IL16: variants seen among roughly 807,000 people sequenced by gnomAD.
IL16 encodes the protein pro-interleukin-16.
In IL16, 67 loss-of-function variants were observed where a neutral mutation model predicts 110.1. That is an observed-to-expected ratio of 0.61 (90% CI 0.50 to 0.75). The LOEUF (loss-of-function observed/expected upper bound fraction) is 0.75. Among genes scored for constraint, IL16 ranks in the 30% least tolerant of loss-of-function variants. The pLI, the probability that IL16 is intolerant of heterozygous loss-of-function variation, is 0.00. For missense variants in IL16, 1,545 were observed against 1,655.0 expected (o/e 0.93, Z 1.15); for synonymous variants, 689 against 662.9 (o/e 1.04, Z -0.61).
At chr15:81,192,272 G>A (rs554312157), upstream of IL16, among the ~76,000 whole-genome samples, 5 of 152,222 alleles carry the variant, frequency 3.3e-5, no homozygotes, top group African/African-American at 1.2e-4. Flanking sequence ...TTTCTGTAAA[G>A]CTAAAACTGC....
At chr15:81,240,514 C>A (rs1363640885) in intron 2 of IL16, among the ~76,000 whole-genome samples, 4 of 152,064 alleles carry the variant, frequency 2.6e-5, no homozygotes, top group African/African-American at 9.7e-5. Flanking sequence ...CCTCATCAAT[C>A]CTTGATAACA....
At chr15:81,277,489 G>A (rs140907520) in intron 6 of IL16, among the ~76,000 whole-genome samples, 1 of 151,376 alleles carries the variant, frequency 6.6e-6, no homozygotes, top group African/African-American at 2.4e-5. Context: ...CTGTAGCCCA[G>A]GCTGGAGTGC....
At chr15:81,224,058 A>G (rs1896707067) in intron 1 of IL16, among the ~76,000 whole-genome samples, 2 of 152,230 alleles carry the variant, frequency 1.3e-5, no homozygotes, top group African/African-American at 4.8e-5. Flanking sequence ...ATTTTTGTTT[A>G]TTGCTATTGA....
At chr15:81,211,872 C>G (rs1335178430) in intron 1 of IL16, among the ~76,000 whole-genome samples, 1 of 152,096 alleles carries the variant, frequency 6.6e-6, no homozygotes, top group African/African-American at 2.4e-5. Flanking sequence ...CCTACTTGAT[C>G]GTGGTGAATT....
chr15:81,232,548 C>T (rs766848959), intron 2 of IL16, among the ~76,000 whole-genome samples: 3 of 152,090 alleles, frequency 2.0e-5, no homozygotes, highest in Admixed American at 6.6e-5. Context: ...TTTTGCCCGC[C>T]ACCCCCACCG....
At chr15:81,282,587 C>A in intron 8 of IL16, 52 bp from the exon 9 acceptor site, 1 of 1,362,844 alleles carries the variant, frequency 7.3e-7, no homozygotes, top group South Asian at 1.2e-5. Flanking sequence ...CGAGTAGGCC[C>A]CCTGGGAAAG....
At chr15:81,217,381 A>C (rs915101341) in intron 1 of IL16, among the ~76,000 whole-genome samples, 1 of 152,264 alleles carries the variant, frequency 6.6e-6, no homozygotes, top group Non-Finnish European at 1.5e-5. Flanking sequence ...TTTAAAAATT[A>C]AAATAGACCA....
At chr15:81,263,359 T>G (rs1013612244) in intron 3 of IL16, among the ~76,000 whole-genome samples, 2 of 150,396 alleles carry the variant, frequency 1.3e-5, no homozygotes, top group Admixed American at 6.6e-5. Context: ...TTTTTTTGTT[T>G]TTTTTTTTTT....
At chr15:81,247,697 G>A (rs138212081) in intron 2 of IL16, among the ~76,000 whole-genome samples, 4 of 152,158 alleles carry the variant, frequency 2.6e-5, no homozygotes, top group East Asian at 1.9e-4. Context: ...CTACTTCAGC[G>A]AAGATACCAA....
At chr15:81,228,426 T>A (rs1394209031) in intron 2 of IL16, among the ~76,000 whole-genome samples, 1 of 151,926 alleles carries the variant, frequency 6.6e-6, no homozygotes, top group Admixed American at 6.6e-5. Context: ...GTTCAAGTGA[T>A]TCTCCTGCCT....
At chr15:81,201,726 A>G (rs1240816945) in intron 1 of IL16, among the ~76,000 whole-genome samples, 1 of 152,242 alleles carries the variant, frequency 6.6e-6, no homozygotes, top group African/African-American at 2.4e-5. Flanking sequence ...TGCTGTAATT[A>G]GTAAAATGTA....
At chr15:81,184,338 T>C (rs539728677) in intron 1 of IL16, among the ~76,000 whole-genome samples, 1 of 152,322 alleles carries the variant, frequency 6.6e-6, no homozygotes, top group Non-Finnish European at 1.5e-5. Flanking sequence ...TTCATTGGTG[T>C]GTGCTCTGGG....
intron 3 of IL16, among the ~76,000 whole-genome samples, chr15:81,263,502 G>A (rs1157537825): frequency 1.3e-5 from 2 of 152,092 alleles, no homozygotes; most frequent in Non-Finnish European, 2.9e-5. Flanking sequence ...AACAAGCAAT[G>A]TTCTGAAACA....
chr15:81,210,933 G>T (rs1268004307), intron 1 of IL16, among the ~76,000 whole-genome samples: 1 of 152,206 alleles, frequency 6.6e-6, no homozygotes, highest in Non-Finnish European at 1.5e-5. Flanking sequence ...TCCTCAAGGG[G>T]AATGGTTCCA....
At chr15:81,203,409 T>C (rs1349818088) in intron 1 of IL16, among the ~76,000 whole-genome samples, 1 of 152,176 alleles carries the variant, frequency 6.6e-6, no homozygotes, top group African/African-American at 2.4e-5. Context: ...GCCTATGTCC[T>C]GAATGGTATT....
intron 4 of IL16, among the ~76,000 whole-genome samples, chr15:81,267,981 A>G (rs1898466653): frequency 1.3e-5 from 2 of 152,262 alleles, no homozygotes; most frequent in African/African-American, 2.4e-5. Context: ...TGGCCCAGTC[A>G]AGTGGACACA....
At chr15:81,270,386 T>C (rs528501731) in intron 5 of IL16, among the ~76,000 whole-genome samples, 8 of 152,324 alleles carry the variant, frequency 5.3e-5, no homozygotes, top group African/African-American at 1.9e-4. Context: ...AATATAATTT[T>C]TTGTGTGGTG....
At chr15:81,223,183 C>G (rs185287345) in intron 1 of IL16, among the ~76,000 whole-genome samples, 1 of 152,048 alleles carries the variant, frequency 6.6e-6, no homozygotes, top group Non-Finnish European at 1.5e-5. Flanking sequence ...AAAAGGCAGA[C>G]CTGATACAAC....
intron 1 of IL16, among the ~76,000 whole-genome samples, chr15:81,184,087 A>G (rs1019848458): frequency 6.6e-5 from 10 of 152,322 alleles, no homozygotes; most frequent in African/African-American, 2.4e-4. Flanking sequence ...TATAGCAGAA[A>G]GTAGGGTGAG....
Sources: allele counts gnomAD v4.1 joint callset (sites outside exome capture counted in the v4.1 genomes callset), GRCh38; gene constraint gnomAD v4.1.1; transcripts MANE v1.5; gene names NCBI Gene and HGNC (gene_info 2026-07-23, HGNC 2026-07-21).